Variants in ULK4 observed in about 807,000 individuals in gnomAD.
ULK4 encodes inactive serine/threonine-protein kinase ULK4.
ULK4 carries 133 observed loss-of-function variants against 160.6 expected under a neutral mutation model. That is an observed-to-expected ratio of 0.83 (90% CI 0.72 to 0.96). The LOEUF (loss-of-function observed/expected upper bound fraction) is 0.96, where lower values mean the gene tolerates loss of function less well. Among genes scored for constraint, ULK4 ranks in the 40% least tolerant of loss-of-function variants. The probability of loss-of-function intolerance (pLI) is 0.00; values close to 1 mark genes in which losing one functional copy is unlikely to be tolerated. For synonymous variants in ULK4, 534 were observed against 539.8 expected, an observed-to-expected ratio of 0.99 and a Z score of 0.15; for missense variants, 1,580 against 1,499.5, an observed-to-expected ratio of 1.05 and a Z score of -0.89.
chr3:41,770,255 T>C (rs2039307714), intron 21 of ULK4, among the ~76,000 whole-genome samples: 1 of 152,282 alleles, frequency 6.6e-6, no homozygotes, highest in Middle Eastern at 3.4e-3. Flanking sequence ...CCACGGTGCT[T>C]CCAAATTATA....
At chr3:41,765,623 T>C (rs1423164410) in intron 21 of ULK4, among the ~76,000 whole-genome samples, 1 of 151,940 alleles carries the variant, frequency 6.6e-6, no homozygotes, top group Non-Finnish European at 1.5e-5. Flanking sequence ...AAAAGTATAT[T>C]TAAGACTCTA....
intron 35 of ULK4, among the ~76,000 whole-genome samples, chr3:41,352,700 C>A (rs537420895): frequency 6.6e-6 from 1 of 152,288 alleles, no homozygotes; most frequent in South Asian, 2.1e-4. Flanking sequence ...CCCAGCAGAG[C>A]AGCTGAGATC....
intron 21 of ULK4, among the ~76,000 whole-genome samples, chr3:41,788,224 G>C (rs1043554299): frequency 6.6e-6 from 1 of 152,158 alleles, no homozygotes; most frequent in African/African-American, 2.4e-5. Context: ...AAATCTGAGA[G>C]TTATTCATAA....
intron 27 of ULK4, among the ~76,000 whole-genome samples, chr3:41,683,719 C>T (rs902338278): frequency 6.6e-6 from 1 of 151,988 alleles, no homozygotes; most frequent in Non-Finnish European, 1.5e-5. Context: ...AGTAGACACC[C>T]ATGTGGCACT....
At chr3:41,818,045 A>G (rs556565960) in intron 19 of ULK4, among the ~76,000 whole-genome samples, 40 of 151,230 alleles carry the variant, frequency 2.6e-4, no homozygotes, top group Admixed American at 6.6e-4. Flanking sequence ...AGAAAGGACA[A>G]CTCTTCCATA....
At chr3:41,783,084 G>A (rs181094459) in intron 21 of ULK4, among the ~76,000 whole-genome samples, 166 of 151,528 alleles carry the variant, frequency 1.1e-3, no homozygotes, top group African/African-American at 3.8e-3. Context: ...ATATGTCAAC[G>A]CGTACATGTG....
intron 32 of ULK4, among the ~76,000 whole-genome samples, chr3:41,469,553 G>T (rs140138639): frequency 8.5e-6 from 1 of 117,040 alleles, no homozygotes; most frequent in African/African-American, 3.4e-5. Context: ...CATCAAAGCC[G>T]GCCCATCTAC....
At chr3:41,575,752 C>T (rs907958224) in intron 31 of ULK4, among the ~76,000 whole-genome samples, 12 of 152,380 alleles carry the variant, frequency 7.9e-5, no homozygotes, top group Middle Eastern at 3.4e-3. Context: ...AGAATTCCAG[C>T]CCTCATTCAA....
intron 32 of ULK4, among the ~76,000 whole-genome samples, chr3:41,477,897 T>C (rs576755907): frequency 6.6e-6 from 1 of 152,332 alleles, no homozygotes. Context: ...CAGTGTAAGA[T>C]TTGCCTATGC....
Position 41,708,845 on chromosome 3 carries a change from T to C in ULK4, c.2635-3540A>G, listed in dbSNP as rs569689405. 2.0e-5 allele frequency among the ~76,000 whole-genome samples: 3 copies of C among 152,320 alleles called. No homozygotes were observed. In the East Asian group the frequency reaches 5.8e-4, roughly 29 times the overall value. ...TTTCAAAACAATCTGTTGTACACAA[T>C]AAATGTATACAATTCTTATTCATCA... On this transcript the variant is annotated intron_variant, in intron 25 of 36. Coordinates refer to ENST00000301831, the MANE Select transcript of ULK4 (RefSeq NM_017886.4).
intron 35 of ULK4, among the ~76,000 whole-genome samples, chr3:41,378,145 A>G (rs1438386525): frequency 1.4e-5 from 2 of 146,892 alleles, no homozygotes; most frequent in African/African-American, 5.0e-5. Context: ...AACACCACAT[A>G]TTCTCACTTA....
At chr3:41,634,181 TACC>T (rs2033860966) in intron 30 of ULK4, among the ~76,000 whole-genome samples, 2 of 152,314 alleles carry the variant, frequency 1.3e-5, no homozygotes, top group Admixed American at 6.5e-5. Flanking sequence ...TCTGACCCAT[TACC>T]AGGGATCCTT....
At chr3:41,430,998 T>C (rs2082890425) in intron 34 of ULK4, among the ~76,000 whole-genome samples, 2 of 152,294 alleles carry the variant, frequency 1.3e-5, no homozygotes, top group South Asian at 4.1e-4. Flanking sequence ...CTAGGAATTG[T>C]ATATTGTTGA....
chr3:41,920,426 T>C (rs890160808), intron 5 of ULK4, among the ~76,000 whole-genome samples: 2 of 152,332 alleles, frequency 1.3e-5, no homozygotes, highest in Non-Finnish European at 2.9e-5. Flanking sequence ...AAAGCCCCAT[T>C]GTGTGCCCCA....
intron 31 of ULK4, among the ~76,000 whole-genome samples, chr3:41,607,336 C>A (rs1194534566): frequency 6.6e-6 from 1 of 152,036 alleles, no homozygotes; most frequent in East Asian, 1.9e-4. Flanking sequence ...ATTTTATAAC[C>A]TTTTGAAGGA....
chr3:41,352,881 C>A (rs1214321013), intron 35 of ULK4, among the ~76,000 whole-genome samples: 1 of 152,026 alleles, frequency 6.6e-6, no homozygotes, highest in Non-Finnish European at 1.5e-5. Flanking sequence ...GGCCAATTCA[C>A]AAAAAAAGCA....
intron 22 of ULK4, among the ~76,000 whole-genome samples, chr3:41,740,127 T>C (rs1332629894): frequency 1.3e-5 from 2 of 151,950 alleles, no homozygotes; most frequent in African/African-American, 2.4e-5. Context: ...CAGCTGTTTA[T>C]GGTTTCTTTT....
chr3:41,668,250 A>G (rs1209259105), intron 29 of ULK4, among the ~76,000 whole-genome samples: 1 of 152,184 alleles, frequency 6.6e-6, no homozygotes, highest in African/African-American at 2.4e-5. Context: ...TCTTCCTACA[A>G]TGAGGAAGAT....
At chr3:41,959,274 G>A (rs1029081898) in intron 1 of ULK4, among the ~76,000 whole-genome samples, 2 of 150,548 alleles carry the variant, frequency 1.3e-5, no homozygotes, top group African/African-American at 4.9e-5. Context: ...CTGAGGCAGA[G>A]AATTGCTTGG....
Sources: gnomAD v4.1 joint callset for allele counts (sites outside exome capture counted in the v4.1 genomes callset) on GRCh38, gnomAD v4.1.1 for gene constraint, MANE v1.5 for transcripts, NCBI Gene and HGNC (gene_info 2026-07-23, HGNC 2026-07-21) for gene names.